Variants in SEC22C observed in about 807,000 individuals in gnomAD.
SEC22C encodes the protein vesicle-trafficking protein SEC22c.
SEC22C carries 29 observed loss-of-function variants against 34.7 expected under a neutral mutation model. The observed-to-expected ratio is 0.84, with a 90% CI of 0.62 to 1.14. The LOEUF is 1.14. SEC22C is among the 50% of genes most tolerant of loss of function. The probability of loss-of-function intolerance (pLI) is 0.00; values close to 1 mark genes in which losing one functional copy is unlikely to be tolerated. For missense variants in SEC22C, 337 were observed against 369.0 expected (o/e 0.91, Z 0.71); for synonymous variants, 117 against 132.8 (o/e 0.88, Z 0.82).
Position 42,566,806 on chromosome 3 carries a change from C to A in SEC22C, c.182+2059G>T, listed in dbSNP as rs761407224. 1.5e-4 allele frequency: 61 copies of A among 417,564 alleles called. 1 individual carries two copies. Among genetic ancestry groups the A allele is most frequent in the South Asian group, 1.0e-3 (60 of 57,294 alleles). The allele number at this position is 417,564 out of a possible 1,614,324, so 25.9% of individuals were successfully genotyped here. On this transcript the variant is annotated intron_variant, in intron 2 of 6. Coordinates refer to ENST00000264454, the MANE Select transcript of SEC22C (RefSeq NM_032970.4). Reference sequence around the variant, plus strand: ...ATCACTTGAGCCTAGGAGTTTAAGACCAGCCTGGGCAACATGGCAAGACCT... The same window carrying A: ...ATCACTTGAGCCTAGGAGTTTAAGAACAGCCTGGGCAACATGGCAAGACCT...
At chr3:42,557,203 GACA>G (rs908001747) in intron 5 of SEC22C, among the ~76,000 whole-genome samples, 5 of 152,176 alleles carry the variant, frequency 3.3e-5, no homozygotes, top group Non-Finnish European at 7.3e-5. Context: ...CAGATTATGG[GACA>G]ACCTTTTCTC....
chr3:42,561,875 G>A (rs964253011), intron 3 of SEC22C, among the ~76,000 whole-genome samples: 2 of 152,062 alleles, frequency 1.3e-5, no homozygotes, highest in Non-Finnish European at 2.9e-5. Context: ...AGAGTCGGGG[G>A]AAAGGGGCAT....
chr3:42,582,114 A>C (rs987433371), upstream of SEC22C: 2 of 152,128 alleles, frequency 1.3e-5, no homozygotes, highest in African/African-American at 2.4e-5. Context: ...GTGGTTCTTA[A>C]AGGGCTGCGA....
At chr3:42,566,315 C>G (rs1312623835) in intron 2 of SEC22C, among the ~76,000 whole-genome samples, 2 of 152,156 alleles carry the variant, frequency 1.3e-5, no homozygotes. Context: ...TGGACTTTTC[C>G]TTTTGTTTTT....
At chr3:42,587,332 A>T (rs1354368221) in intron 1 of SEC22C, 1 of 152,228 alleles carries the variant, frequency 6.6e-6, no homozygotes, top group Middle Eastern at 3.2e-3. Flanking sequence ...TTTCTTCTGG[A>T]GGTCTTTCCC....
At position 42,551,306 on chromosome 3, in the gene SEC22C, T is replaced by C; in HGVS notation, c.*1942A>G. ...TGTGAAATCAGTGTAGAGACAACTT[T>C]GGAGTTTATGTCTGAGTATGCTGCC... On this transcript the variant is annotated 3_prime_UTR_variant, in exon 7 of 7. Coordinates refer to ENST00000264454, the MANE Select transcript of SEC22C (RefSeq NM_032970.4). 1.0e-6 allele frequency: 1 copy of C among 985,394 alleles called. No homozygotes were observed. The highest frequency in any genetic ancestry group is 4.7e-5 in the South Asian group (1 of 21,292). 61.0% of individuals were successfully genotyped at this position (985,394 alleles called of 1,614,324 possible).
intron 2 of SEC22C, among the ~76,000 whole-genome samples, chr3:42,565,337 T>C (rs1474847425): frequency 1.3e-5 from 2 of 152,170 alleles, no homozygotes; most frequent in Admixed American, 6.5e-5. Flanking sequence ...TAACTCCCTA[T>C]ATAAAAACTT....
At chr3:42,582,221 T>C (rs1014885808), upstream of SEC22C, 6 of 152,246 alleles carry the variant, frequency 3.9e-5, no homozygotes, top group Non-Finnish European at 1.5e-5. Context: ...AAGCCTGTAA[T>C]TCTCACGTCC....
At chr3:42,592,338 T>TAC (rs1704880039) in intron 1 of SEC22C, among the ~76,000 whole-genome samples, 2 of 152,156 alleles carry the variant, frequency 1.3e-5, no homozygotes, top group Non-Finnish European at 2.9e-5. Context: ...TAGCTGGGAC[T>TAC]ACAGGCGTGT....
chr3:42,563,914 C>T (rs532296746), intron 2 of SEC22C: 2 of 1,417,140 alleles, frequency 1.4e-6, no homozygotes, highest in African/African-American at 1.4e-5. Flanking sequence ...CCTGTGATCA[C>T]TCTTATTTAT....
chr3:42,575,091 T>G (rs1181902205), intron 1 of SEC22C, among the ~76,000 whole-genome samples: 2 of 152,154 alleles, frequency 1.3e-5, no homozygotes, highest in African/African-American at 4.8e-5. Flanking sequence ...CAAGCAATCC[T>G]CCCATCTCAG....
intron 4 of SEC22C, among the ~76,000 whole-genome samples, chr3:42,560,460 G>C (rs1315286702): frequency 6.6e-6 from 1 of 150,574 alleles, no homozygotes; most frequent in Admixed American, 6.6e-5. Flanking sequence ...GATGGCTTGA[G>C]CCCAGGAGTT....
intron 1 of SEC22C, among the ~76,000 whole-genome samples, chr3:42,570,223 A>C (rs1703532724): frequency 6.6e-6 from 1 of 152,182 alleles, no homozygotes; most frequent in Admixed American, 6.5e-5. Flanking sequence ...TGCATTCTTC[A>C]CTTGTGTCTG....
intron 1 of SEC22C, chr3:42,591,036 A>G (rs1227259113): frequency 8.6e-6 from 13 of 1,508,960 alleles, no homozygotes; most frequent in Non-Finnish European, 1.1e-5. Context: ...GGGGTGCGAG[A>G]AGCATCCTGT....
At chr3:42,587,422 T>C (rs1473588143) in intron 1 of SEC22C, 1 of 152,122 alleles carries the variant, frequency 6.6e-6, no homozygotes, top group Admixed American at 6.5e-5. Flanking sequence ...TGATAGAAAC[T>C]TTAATGATGT....
intron 3 of SEC22C, 75 bp downstream of exon 3, chr3:42,563,448 G>T: frequency 7.3e-7 from 1 of 1,362,086 alleles, no homozygotes; most frequent in Non-Finnish European, 1.0e-6. Context: ...GATGGTCAAA[G>T]CCAAACCTAA....
rs1203735773 is a variant in SEC22C, at chr3:42,550,415, A to G, written c.*2833T>C. The G allele has an allele frequency of 7.1e-6, 7 of 985,320 alleles. No individual in the cohort carries two copies. The highest frequency in any genetic ancestry group is 3.5e-5 in the African/African-American group (2 of 57,238). 61.0% of individuals were successfully genotyped at this position (985,320 alleles called of 1,614,324 possible). ...TATCAAGGATCACACAAGAGGCTATAAACCTCCAACCCTGAACCAAGTCAA... is the reference window on the plus strand; with the variant it reads ...TATCAAGGATCACACAAGAGGCTATGAACCTCCAACCCTGAACCAAGTCAA... On this transcript the variant is annotated 3_prime_UTR_variant, in exon 7 of 7. Transcript: ENST00000264454.
At position 42,551,830 on chromosome 3, in the gene SEC22C, C is replaced by T; in HGVS notation, c.*1418G>A. Reference sequence around the variant, plus strand: ...AATTGAATTTTTCTAAAACTACATTCTTACATTCCCTATCCACTCAACTCT... The same window carrying T: ...AATTGAATTTTTCTAAAACTACATTTTTACATTCCCTATCCACTCAACTCT... On this transcript the variant is annotated 3_prime_UTR_variant, in exon 7 of 7. Transcript: ENST00000264454. 1 of 980,018 alleles carries T rather than the reference C, an allele frequency of 1.0e-6. No individual in the cohort carries two copies. Among genetic ancestry groups the T allele is most frequent in the South Asian group, 4.7e-5 (1 of 21,186 alleles). The allele number at this position is 980,018 out of a possible 1,614,324, so 60.7% of individuals were successfully genotyped here.
At chr3:42,567,398 A>G (rs555326063) in intron 2 of SEC22C, among the ~76,000 whole-genome samples, 13 of 152,354 alleles carry the variant, frequency 8.5e-5, no homozygotes, top group African/African-American at 3.1e-4. Flanking sequence ...AGGAAATTGT[A>G]TAACCCATAA....
Sources: gnomAD v4.1 joint callset for allele counts (sites outside exome capture counted in the v4.1 genomes callset) on GRCh38, gnomAD v4.1.1 for gene constraint, MANE v1.5 for transcripts, NCBI Gene and HGNC (gene_info 2026-07-23, HGNC 2026-07-21) for gene names.